ANO5: variants seen among roughly 807,000 people sequenced by gnomAD.
ANO5 encodes anoctamin 5.
In ANO5, 109 loss-of-function variants were observed where a neutral mutation model predicts 121.0. That is an observed-to-expected ratio of 0.90 (90% CI 0.77 to 1.06). The LOEUF is 1.06. Ranked by LOEUF, ANO5 falls within the 50% of genes least tolerant of loss-of-function variation. The pLI is 0.00. For synonymous variants in ANO5, 406 were observed against 359.9 expected (o/e 1.13, Z -1.45); for missense variants, 1,064 against 1,078.5 (o/e 0.99, Z 0.19).
intron 1 of ANO5, among the ~76,000 whole-genome samples, chr11:22,201,672 A>T (rs1851968468): frequency 6.6e-6 from 1 of 152,178 alleles, no homozygotes; most frequent in African/African-American, 2.4e-5. Flanking sequence ...CTGTGTCATA[A>T]CATGGTGGAA....
At chr11:22,231,415 T>A (rs1428925948) in intron 7 of ANO5, among the ~76,000 whole-genome samples, 1 of 151,922 alleles carries the variant, frequency 6.6e-6, no homozygotes, top group Non-Finnish European at 1.5e-5. Context: ...AAGAGATGTA[T>A]ATCATAAAAT....
chr11:22,264,856 G>A (rs1854309334), intron 17 of ANO5, among the ~76,000 whole-genome samples: 1 of 152,070 alleles, frequency 6.6e-6, no homozygotes, highest in South Asian at 2.1e-4. Context: ...GTTCCAGCCT[G>A]GACATGGTTG....
At chr11:22,192,892 G>C (rs1851690440), upstream of ANO5, 2 of 805,006 alleles carry the variant, frequency 2.5e-6, no homozygotes, top group Non-Finnish European at 3.0e-6. Flanking sequence ...TGCGGGAGGC[G>C]GCAGAGCAGG....
chr11:22,217,619 A>T (rs1010554720), intron 3 of ANO5, among the ~76,000 whole-genome samples: 1 of 151,466 alleles, frequency 6.6e-6, no homozygotes, highest in African/African-American at 2.4e-5. Flanking sequence ...CCTTAATTAC[A>T]TCCTTTGCAG....
chr11:22,200,385 CA>C (rs1360558972), intron 1 of ANO5, among the ~76,000 whole-genome samples: 2 of 152,084 alleles, frequency 1.3e-5, no homozygotes, highest in Non-Finnish European at 2.9e-5. Flanking sequence ...CTTTACCTTG[CA>C]ATGTAAAGTA....
Position 22,239,557 on chromosome 11 carries a change from G to C in ANO5, c.763-12G>C, listed in dbSNP as rs754568144. On this transcript the variant is annotated splice_polypyrimidine_tract_variant and intron_variant, in intron 8 of 21. Coordinates refer to ENST00000324559, the MANE Select transcript of ANO5 (RefSeq NM_213599.3). ...TTCGTCTTTTATGTACCCTCCTCTTGAATATCTGCAGGGCCAATATTGGAA... is the reference window on the plus strand; with the variant it reads ...TTCGTCTTTTATGTACCCTCCTCTTCAATATCTGCAGGGCCAATATTGGAA... 2 of 1,578,286 alleles carry C rather than the reference G, an allele frequency of 1.3e-6. No individual in the cohort carries two copies. The highest frequency in any genetic ancestry group is 1.7e-6 in the Non-Finnish European group (2 of 1,147,796).
At chr11:22,270,677 G>A (rs1590323220) in intron 18 of ANO5, among the ~76,000 whole-genome samples, 1 of 152,142 alleles carries the variant, frequency 6.6e-6, no homozygotes, top group East Asian at 1.9e-4. Context: ...CATAATTCCT[G>A]TTAATTGAAT....
At chr11:22,279,243 C>T (rs1338450078) in intron 21 of ANO5, among the ~76,000 whole-genome samples, 1 of 151,828 alleles carries the variant, frequency 6.6e-6, no homozygotes. Flanking sequence ...CTTTTTCACT[C>T]TTTTGAGTCT....
chr11:22,275,459 A>G (rs1186491069), intron 20 of ANO5, among the ~76,000 whole-genome samples: 1 of 151,956 alleles, frequency 6.6e-6, no homozygotes, highest in African/African-American at 2.4e-5. Context: ...TAGTTAAATC[A>G]TAGCCTAATG....
chr11:22,249,777 G>A (rs895998685), intron 9 of ANO5, among the ~76,000 whole-genome samples: 14 of 152,024 alleles, frequency 9.2e-5, no homozygotes, highest in African/African-American at 3.4e-4. Flanking sequence ...TCTACAATGC[G>A]GTCAGAGAAA....
intron 17 of ANO5, among the ~76,000 whole-genome samples, chr11:22,265,964 CATTTA>C (rs1854346547): frequency 6.6e-6 from 1 of 152,072 alleles, no homozygotes; most frequent in South Asian, 2.1e-4. Context: ...CAAATATGAC[CATTTA>C]ATTTAAGACA....
intron 17 of ANO5, among the ~76,000 whole-genome samples, chr11:22,266,896 C>T (rs530895776): frequency 6.6e-6 from 1 of 152,086 alleles, no homozygotes; most frequent in Non-Finnish European, 1.5e-5. Flanking sequence ...TTGGGACAAC[C>T]AAAATATCTC....
chr11:22,272,321 C>CACACAT (rs1379223716), intron 18 of ANO5, among the ~76,000 whole-genome samples: 1 of 149,120 alleles, frequency 6.7e-6, no homozygotes, highest in African/African-American at 2.5e-5. Context: ...CACACACACA[C>CACACAT]ACACACACAC....
intron 17 of ANO5, among the ~76,000 whole-genome samples, chr11:22,269,406 AAAAAAGAGAAGG>A (rs1386027114): frequency 5.4e-5 from 8 of 147,524 alleles, no homozygotes; most frequent in Non-Finnish European, 9.1e-5. Context: ...AGGAAGGAGA[AAAAAAGAGAAGG>A]AAAAGAGAAG....
At chr11:22,267,872 G>A (rs896602795) in intron 17 of ANO5, among the ~76,000 whole-genome samples, 1 of 152,040 alleles carries the variant, frequency 6.6e-6, no homozygotes, top group Non-Finnish European at 1.5e-5. Context: ...GTGGTATTTG[G>A]TTCTTGCATT....
chr11:22,255,878 TTAAAC>T (rs1162584921), intron 13 of ANO5, among the ~76,000 whole-genome samples: 2 of 152,136 alleles, frequency 1.3e-5, no homozygotes, highest in African/African-American at 2.4e-5. Flanking sequence ...CATAATAACA[TTAAAC>T]TAAGTGCAAA....
At position 22,239,550 on chromosome 11, in the gene ANO5, TC is replaced by T. The variant is rs767265160; in HGVS notation, c.763-17del. 1 of 1,554,180 alleles carries T rather than the reference TC, an allele frequency of 6.4e-7. No individual in the cohort carries two copies. Among genetic ancestry groups the T allele is most frequent in the Non-Finnish European group, 8.9e-7 (1 of 1,125,830 alleles). ...CTTTTGCTTCGTCTTTTATGTACCC[TC>T]CTCTTGAATATCTGCAGGGCCAATA... On this transcript the variant is annotated intron_variant, in intron 8 of 21. Transcript: ENST00000324559.
At chr11:22,250,486 A>G in intron 10 of ANO5, 115 bp downstream of exon 10, 1 of 1,432,200 alleles carries the variant, frequency 7.0e-7, no homozygotes, top group Non-Finnish European at 9.6e-7. Context: ...AGCAGCAGAT[A>G]ATCGATATTT....
intron 5 of ANO5, among the ~76,000 whole-genome samples, chr11:22,223,046 T>A (rs1471473417): frequency 6.6e-6 from 1 of 152,038 alleles, no homozygotes; most frequent in African/African-American, 2.4e-5. Context: ...GAGTTTTGCC[T>A]GTGTAAGCTA....
Sources: gnomAD v4.1 joint callset for allele counts (sites outside exome capture counted in the v4.1 genomes callset) on GRCh38, gnomAD v4.1.1 for gene constraint, MANE v1.5 for transcripts, NCBI Gene and HGNC (gene_info 2026-07-23, HGNC 2026-07-21) for gene names.